Variants in PER3 observed in about 807,000 individuals in gnomAD.
The protein encoded by PER3 is period circadian protein homolog 3.
Under a neutral mutation model 127.2 loss-of-function variants are expected in PER3, and 107 were observed. The ratio of observed to expected loss-of-function variants is 0.84; its 90% CI spans 0.72 to 0.99. PER3 has a LOEUF of 0.99. Among genes scored for constraint, PER3 ranks in the 50% least tolerant of loss-of-function variants. PER3 has a pLI of 0.00. For synonymous variants in PER3, 618 were observed against 585.8 expected (o/e 1.05, Z -0.79); for missense variants, 1,560 against 1,525.8 (o/e 1.02, Z -0.37).
At chr1:7,790,900 T>A (rs1260054160) in intron 5 of PER3, among the ~76,000 whole-genome samples, 1 of 152,244 alleles carries the variant, frequency 6.6e-6, no homozygotes, top group Non-Finnish European at 1.5e-5. Context: ...ATGTCTCACA[T>A]CCAGGTCATG....
chr1:7,787,029 C>T (rs1035015175), intron 4 of PER3, among the ~76,000 whole-genome samples, 193 bp downstream of exon 4: 2 of 152,188 alleles, frequency 1.3e-5, no homozygotes, highest in African/African-American at 4.8e-5. Context: ...CAGAAGCAGC[C>T]CGTTCTGTGT....
chr1:7,842,778 A>C lies in PER3; in HGVS notation c.*23A>C. The stretch of plus-strand genomic sequence containing the variant: ...TGAGTGACTGTGAGGATGAACCTTC[A>C]TACCCTTTCCAAGACGTGTTACACA... On this transcript the variant is annotated 3_prime_UTR_variant, in exon 22 of 22. Coordinates refer to ENST00000377532, the MANE Select transcript of PER3 (RefSeq NM_001377275.1). The C allele has an allele frequency of 1.9e-6, 3 of 1,606,070 alleles. No homozygotes were observed. The highest frequency in any genetic ancestry group is 2.6e-6 in the Non-Finnish European group (3 of 1,174,030).
chr1:7,789,789 A>G (rs2097110338), intron 5 of PER3, among the ~76,000 whole-genome samples: 1 of 152,242 alleles, frequency 6.6e-6, no homozygotes, highest in Non-Finnish European at 1.5e-5. Context: ...TTCCAATTAT[A>G]GATTGCCCCA....
chr1:7,823,127 C>G (rs189970084), intron 16 of PER3, among the ~76,000 whole-genome samples: 1 of 152,252 alleles, frequency 6.6e-6, no homozygotes, highest in East Asian at 1.9e-4. Flanking sequence ...TTTTAAAAAT[C>G]AAGACCTAAC....
chr1:7,787,483 G>A (rs746688728), intron 4 of PER3: 1 of 456,682 alleles, frequency 2.2e-6, no homozygotes, highest in East Asian at 6.2e-5. Context: ...TACTGTAGGA[G>A]GTGCTATGGA....
At chr1:7,827,031 A>G in intron 17 of PER3, 87 bp from the exon 18 acceptor site, 1 of 1,013,692 alleles carries the variant, frequency 9.9e-7, no homozygotes, top group Non-Finnish European at 1.4e-6. Context: ...CTCATTCGTC[A>G]GCTACTTATA....
At chr1:7,827,928 A>G (rs2097310692) in intron 18 of PER3, 113 bp downstream of exon 18, 23 of 744,066 alleles carry the variant, frequency 3.1e-5, no homozygotes, top group Non-Finnish European at 3.3e-5. Context: ...CCGCGTGGCT[A>G]CTGTGAGTGA....
At chr1:7,838,003 T>A (rs1343235357) in intron 21 of PER3, among the ~76,000 whole-genome samples, 2 of 152,148 alleles carry the variant, frequency 1.3e-5, no homozygotes, top group African/African-American at 4.8e-5. Flanking sequence ...AAATTGAGGC[T>A]ACAGTGAGCT....
chr1:7,815,991 C>CAAAAAAAAAAAAAAAAAAAAAA (rs34144861), intron 13 of PER3, among the ~76,000 whole-genome samples: 22 of 67,650 alleles, frequency 3.3e-4, no homozygotes, highest in East Asian at 1.6e-3. Flanking sequence ...GACTCCGTCT[C>CAAAAAAAAAAAAAAAAAAAAAA]AAAAAAAAAA....
At chr1:7,819,149 C>T in intron 13 of PER3, 136 bp from the exon 14 acceptor site, 2 of 670,982 alleles carry the variant, frequency 3.0e-6, no homozygotes, top group South Asian at 4.4e-5. Flanking sequence ...TAGATCTGCA[C>T]TCATTTTTAA....
At chr1:7,837,181 C>T (rs1328295334) in intron 21 of PER3, 32 bp downstream of exon 21, 7 of 1,587,434 alleles carry the variant, frequency 4.4e-6, no homozygotes, top group Non-Finnish European at 6.0e-6. Flanking sequence ...GTCATATACT[C>T]ATGTATTTTG....
chr1:7,839,037 GTCA>G (rs1343935244), intron 21 of PER3, among the ~76,000 whole-genome samples: 1 of 151,914 alleles, frequency 6.6e-6, no homozygotes, highest in Non-Finnish European at 1.5e-5. Context: ...CTGCATTACT[GTCA>G]TCTTTTGTGT....
chr1:7,785,179 A>C (rs1308248490), intron 2 of PER3, among the ~76,000 whole-genome samples, 174 bp downstream of exon 2: 1 of 152,172 alleles, frequency 6.6e-6, no homozygotes, highest in Non-Finnish European at 1.5e-5. Flanking sequence ...AAAATTACCG[A>C]AGAGTATCAG....
intron 6 of PER3, among the ~76,000 whole-genome samples, chr1:7,796,309 T>C (rs2097145002): frequency 7.5e-6 from 1 of 132,456 alleles, no homozygotes; most frequent in South Asian, 2.7e-4. Flanking sequence ...GAAACGTTCA[T>C]TTCAGTTTCC....
rs181715992 is a variant in PER3, at chr1:7,797,872, C to T, written c.645-653C>T. Among the ~76,000 whole-genome samples the T allele has an allele frequency of 9.2e-5, 14 of 152,166 alleles. No homozygotes were observed. In the East Asian group the frequency reaches 1.4e-3, roughly 15 times the overall value. ...CGCTGGGCAGCTGCAGTGGTAACAC[C>T]GGGTGATGATATTTGAAGTCATCAA... On this transcript the variant is annotated intron_variant, in intron 6 of 21. Transcript: ENST00000377532.
chr1:7,830,642 T>A (rs1293797771), intron 19 of PER3, among the ~76,000 whole-genome samples: 1 of 152,228 alleles, frequency 6.6e-6, no homozygotes, highest in Non-Finnish European at 1.5e-5. Flanking sequence ...GTGATCCATT[T>A]TGAGTTTTGT....
chr1:7,820,139 A>C lies in PER3; in HGVS notation c.1683A>C (p.Pro561=). The C allele has an allele frequency of 6.2e-7, 1 of 1,613,718 alleles. No individual in the cohort carries two copies. The highest frequency in any genetic ancestry group is 1.1e-5 in the South Asian group (1 of 91,010). ...GATACCTGAAGAGCTACAACATTCCAGCTTTGAAAAGAAAGTGTATCTCCT... is the reference window on the plus strand; with the variant it reads ...GATACCTGAAGAGCTACAACATTCCCGCTTTGAAAAGAAAGTGTATCTCCT... The part of the protein sequence containing the change: ...VIRYLKSYNI[P]ALKRKCISCT... Residue 561 remains proline (P), a synonymous_variant, in exon 15 of 22, where the codon CCA becomes CCC. Transcript: ENST00000377532.
At chr1:7,794,039 C>T (rs777206256) in intron 6 of PER3, 31 bp downstream of exon 6, 1 of 1,569,244 alleles carries the variant, frequency 6.4e-7, no homozygotes, top group Non-Finnish European at 8.8e-7. Context: ...AAGCCAGCAA[C>T]AGTGGATTAT....
intron 12 of PER3, 126 bp downstream of exon 12, chr1:7,810,147 A>T: frequency 9.8e-7 from 1 of 1,015,920 alleles, no homozygotes; most frequent in East Asian, 2.5e-5. Context: ...AGATATTTTC[A>T]TCCATTTTGG....
Sources: allele counts gnomAD v4.1 joint callset (sites outside exome capture counted in the v4.1 genomes callset), GRCh38; gene constraint gnomAD v4.1.1; transcripts MANE v1.5; gene names NCBI Gene and HGNC (gene_info 2026-07-23, HGNC 2026-07-21).